The following PTPN9 variants were observed in gnomAD, a reference collection of about 807,000 sequenced individuals.
PTPN9 encodes protein tyrosine phosphatase non-receptor type 9.
A neutral mutation model predicts 69.8 loss-of-function variants in PTPN9; 26 were observed. That is an observed-to-expected ratio of 0.37 (90% CI 0.27 to 0.52). The LOEUF (loss-of-function observed/expected upper bound fraction) is 0.52. Ranked by LOEUF, PTPN9 falls within the 20% of genes least tolerant of loss-of-function variation. The pLI, the probability that PTPN9 is intolerant of heterozygous loss-of-function variation, is 0.91. For missense variants in PTPN9, 549 were observed against 740.3 expected, an observed-to-expected ratio of 0.74 and a Z score of 3.00; for synonymous variants, 274 against 272.5, an observed-to-expected ratio of 1.01 and a Z score of -0.05.
intron 1 of PTPN9, 43 bp downstream of exon 1, chr15:75,578,669 CGG>C: frequency 7.6e-7 from 1 of 1,319,942 alleles, no homozygotes; most frequent in South Asian, 1.9e-5. Flanking sequence ...GCGTAGGCCT[CGG>C]GGGCCCGGAC....
At chr15:75,473,649 A>G in intron 10 of PTPN9, 40 bp downstream of exon 10, 1 of 1,451,104 alleles carries the variant, frequency 6.9e-7, no homozygotes, top group Non-Finnish European at 9.7e-7. Flanking sequence ...CTAGGGACAG[A>G]GTGGAGGTGG....
intron 5 of PTPN9, among the ~76,000 whole-genome samples, chr15:75,509,800 A>G (rs998800476): frequency 3.9e-5 from 6 of 152,160 alleles, no homozygotes; most frequent in Non-Finnish European, 7.4e-5. Context: ...CCTGGCCAAC[A>G]TGGTGAAACC....
At chr15:75,495,242 A>G (rs1343028874) in intron 7 of PTPN9, among the ~76,000 whole-genome samples, 1 of 152,152 alleles carries the variant, frequency 6.6e-6, no homozygotes, top group Non-Finnish European at 1.5e-5. Flanking sequence ...ACTGCAAGAT[A>G]AAAACTGAGG....
intron 7 of PTPN9, among the ~76,000 whole-genome samples, chr15:75,503,948 A>G (rs1595955139): frequency 2.4e-5 from 2 of 82,142 alleles, no homozygotes; most frequent in African/African-American, 5.0e-5. Context: ...CCGGGAGGTG[A>G]GGGGCGCCTC....
At chr15:75,500,114 G>T (rs908897227) in intron 7 of PTPN9, among the ~76,000 whole-genome samples, 1 of 152,100 alleles carries the variant, frequency 6.6e-6, no homozygotes, top group African/African-American at 2.4e-5. Context: ...AGGAGTTTGA[G>T]ACCAGCCTGG....
At chr15:75,537,779 C>T (rs1231070623) in intron 1 of PTPN9, among the ~76,000 whole-genome samples, 2 of 74,708 alleles carry the variant, frequency 2.7e-5, no homozygotes, top group Admixed American at 2.4e-4. Context: ...AAAAAAAAGG[C>T]CAGGCGTGGT....
rs185578328 is a variant in PTPN9, at chr15:75,500,084, A to G, written c.968+5591T>C. Among the ~76,000 whole-genome samples the G allele has an allele frequency of 2.1e-3, 325 of 152,082 alleles. 2 individuals are homozygous for G. The highest frequency in any genetic ancestry group is 7.3e-3 in the African/African-American group (304 of 41,514). On this transcript the variant is annotated intron_variant, in intron 7 of 12. Coordinates refer to ENST00000618819, the MANE Select transcript of PTPN9 (RefSeq NM_002833.4). ...ATCCTAGCACTTTGGGAAGCCAAGG[A>G]GGACGAATCACCCGAGGTCAGGAGT...
intron 1 of PTPN9, among the ~76,000 whole-genome samples, chr15:75,537,578 C>A (rs1188770149): frequency 1.4e-5 from 2 of 141,178 alleles, no homozygotes; most frequent in African/African-American, 2.7e-5. Flanking sequence ...ACGGTGAAAC[C>A]CCCACCTCTA....
intron 1 of PTPN9, among the ~76,000 whole-genome samples, chr15:75,541,389 T>A (rs1319324101): frequency 6.6e-6 from 1 of 150,852 alleles, no homozygotes; most frequent in Admixed American, 6.6e-5. Flanking sequence ...GCCCTCATTT[T>A]ATTATTATTA....
intron 1 of PTPN9, among the ~76,000 whole-genome samples, chr15:75,530,831 ATAT>A (rs1466410066): frequency 7.0e-5 from 7 of 99,456 alleles, no homozygotes; most frequent in South Asian, 2.6e-4. Context: ...AATATAATAT[ATAT>A]TATAATATAT....
At chr15:75,474,450 T>C (rs898701323) in intron 9 of PTPN9, among the ~76,000 whole-genome samples, 10 of 151,226 alleles carry the variant, frequency 6.6e-5, no homozygotes, top group African/African-American at 2.4e-4. Flanking sequence ...CCCCGGGAGG[T>C]GGAGGTTGCA....
chr15:75,534,863 C>T (rs2074976610), intron 1 of PTPN9, among the ~76,000 whole-genome samples: 2 of 152,002 alleles, frequency 1.3e-5, no homozygotes, highest in Non-Finnish European at 2.9e-5. Flanking sequence ...ATCCCAGCTA[C>T]TCAGGAGGCT....
At chr15:75,555,978 G>A (rs1295460385) in intron 1 of PTPN9, among the ~76,000 whole-genome samples, 7 of 144,072 alleles carry the variant, frequency 4.9e-5, no homozygotes, top group Non-Finnish European at 1.0e-4. Flanking sequence ...GTGGCAGTGA[G>A]CTATGACTGC....
At chr15:75,507,916 G>C (rs759685238) in intron 6 of PTPN9, among the ~76,000 whole-genome samples, 10 of 151,444 alleles carry the variant, frequency 6.6e-5, no homozygotes, top group Admixed American at 6.6e-5. Flanking sequence ...GGTAGCGTGC[G>C]CCTGTACTCC....
At position 75,578,728 on chromosome 15, in the gene PTPN9, G is replaced by A. The variant is rs1158559646; in HGVS notation, c.49C>T (p.Pro17Ser). The stretch of plus-strand genomic sequence containing the variant: ...GGCCCGCTTACCTGCTCCTCCTCCG[G>A]GGTCAGCTCCGGCGCCATGTCGGGC... ...PRPDMAPELT[P>S]EEEQATKQFL... Residue 17 changes from proline to serine, a missense_variant, in exon 1 of 13, where the codon CCG becomes TCG. Around this residue, in one of 3 missense-constraint regions of PTPN9, gnomAD observed 62 missense variants for 53.6 expected, o/e 1.16. Transcript: ENST00000618819. 12 of 1,362,914 alleles carry A rather than the reference G, an allele frequency of 8.8e-6. No homozygotes were observed. Among genetic ancestry groups the A allele is most frequent in the South Asian group, 1.7e-5 (1 of 59,996 alleles). 84.4% of individuals were successfully genotyped at this position (1,362,914 alleles called of 1,614,324 possible). A position where few individuals can be genotyped will look rare whatever the true frequency, so the allele number is the denominator to read the frequency against.
chr15:75,503,061 G>A (rs1471759567), intron 7 of PTPN9, among the ~76,000 whole-genome samples: 2 of 151,804 alleles, frequency 1.3e-5, no homozygotes, highest in East Asian at 1.9e-4. Context: ...CCACCACCCC[G>A]TCTGGGAAGT....
intron 7 of PTPN9, among the ~76,000 whole-genome samples, chr15:75,503,256 G>A (rs1290363642): frequency 1.4e-5 from 2 of 142,830 alleles, no homozygotes; most frequent in Non-Finnish European, 3.0e-5. Flanking sequence ...GCCGCCCATC[G>A]TCTGAGATGT....
intron 1 of PTPN9, among the ~76,000 whole-genome samples, chr15:75,576,008 TGGATCACGA>T (rs1457437145): frequency 2.8e-5 from 4 of 140,900 alleles, no homozygotes; most frequent in African/African-American, 1.1e-4. Flanking sequence ...CCAAGGCGGG[TGGATCACGA>T]GGTCAAGAAA....
At chr15:75,492,345 T>C (rs2074715617) in intron 7 of PTPN9, among the ~76,000 whole-genome samples, 2 of 151,886 alleles carry the variant, frequency 1.3e-5, no homozygotes, top group South Asian at 4.2e-4. Flanking sequence ...AAAAAGCAGA[T>C]AGGAGGATTT....
Sources: gnomAD v4.1 joint callset for allele counts (sites outside exome capture counted in the v4.1 genomes callset) on GRCh38, gnomAD v4.1.1 for gene constraint, gnomAD v4.1.1 regional missense constraint, MANE v1.5 for transcripts, NCBI Gene and HGNC (gene_info 2026-07-23, HGNC 2026-07-21) for gene names.